TOX2: variants seen among roughly 807,000 people sequenced by gnomAD.
TOX2 encodes granulosa cell HMG box 1.
TOX2 carries 15 observed loss-of-function variants against 47.4 expected under a neutral mutation model. That is an observed-to-expected ratio of 0.32 (90% CI 0.21 to 0.49). TOX2 has a LOEUF of 0.49. TOX2 is among the 20% of genes least tolerant of loss of function. TOX2 has a pLI of 0.99. For missense variants in TOX2, 622 were observed against 673.1 expected (o/e 0.92, Z 0.84); for synonymous variants, 290 against 296.6 (o/e 0.98, Z 0.23).
rs146213688 is a variant in TOX2, at chr20:44,014,388, A to G, written c.411+7596A>G. Among the ~76,000 whole-genome samples the G allele has an allele frequency of 3.3e-5, 5 of 152,278 alleles. No homozygotes were observed. In the East Asian group the frequency reaches 7.7e-4, roughly 24 times the overall value. ...GAGAGAAATGGTAGAGTCGCATCAT[A>G]TGAGGGTGTGCACGCAGAGAGGCAA... On this transcript the variant is annotated intron_variant, in intron 3 of 8. Coordinates refer to ENST00000341197, the MANE Select transcript of TOX2 (RefSeq NM_001098797.2).
chr20:44,035,494 G>A (rs1054050762), intron 3 of TOX2, among the ~76,000 whole-genome samples: 12 of 152,040 alleles, frequency 7.9e-5, no homozygotes, highest in African/African-American at 2.7e-4. Flanking sequence ...TGGGAAGGTC[G>A]CTGCACATGT....
At position 44,019,751 on chromosome 20, in the gene TOX2, C is replaced by T. The variant is rs902745412; in HGVS notation, c.411+12959C>T. ...TCATCCCGGAAACTGATAACAAGACCGCGAGTCAGGAAGCCTGGGTTTAAC... is the reference window on the plus strand; with the variant it reads ...TCATCCCGGAAACTGATAACAAGACTGCGAGTCAGGAAGCCTGGGTTTAAC... On this transcript the variant is annotated intron_variant, in intron 3 of 8. Coordinates refer to ENST00000341197, the MANE Select transcript of TOX2 (RefSeq NM_001098797.2). 2.6e-5 allele frequency among the ~76,000 whole-genome samples: 4 copies of T among 152,152 alleles called. 1 individual carries two copies. Among genetic ancestry groups the T allele is most frequent in the Middle Eastern group, 6.3e-3 (2 of 316 alleles).
At chr20:43,953,534 C>T (rs2069616995) in intron 1 of TOX2, among the ~76,000 whole-genome samples, 1 of 152,136 alleles carries the variant, frequency 6.6e-6, no homozygotes, top group Non-Finnish European at 1.5e-5. Context: ...TGGGCTGATC[C>T]GGGTTGGTGT....
At chr20:43,991,145 C>T (rs2070360714) in intron 2 of TOX2, among the ~76,000 whole-genome samples, 1 of 152,136 alleles carries the variant, frequency 6.6e-6, no homozygotes, top group Non-Finnish European at 1.5e-5. Flanking sequence ...AGTGATTTGT[C>T]CAAGGTCACA....
chr20:44,023,505 G>A (rs2071011354), intron 3 of TOX2, among the ~76,000 whole-genome samples: 1 of 151,876 alleles, frequency 6.6e-6, no homozygotes, highest in African/African-American at 2.4e-5. Context: ...GGACTGGACA[G>A]GAAGCATCTT....
intron 3 of TOX2, among the ~76,000 whole-genome samples, chr20:44,034,139 C>T (rs113964675): frequency 3.9e-5 from 6 of 152,180 alleles, no homozygotes; most frequent in East Asian, 1.9e-4. Flanking sequence ...CAGAGCTCAT[C>T]GCACTGGCCC....
At chr20:44,013,837 G>A (rs1168636567) in intron 3 of TOX2, among the ~76,000 whole-genome samples, 1 of 152,096 alleles carries the variant, frequency 6.6e-6, no homozygotes, top group African/African-American at 2.4e-5. Flanking sequence ...GTGATGAGAG[G>A]TGTATGTCTC....
chr20:43,967,670 C>A (rs1042304821), intron 1 of TOX2, among the ~76,000 whole-genome samples: 1 of 152,140 alleles, frequency 6.6e-6, no homozygotes, highest in African/African-American at 2.4e-5. Flanking sequence ...CCCAACCACC[C>A]ATCTATTTGT....
At chr20:43,994,459 C>CCCAAAA (rs2070430835) in intron 2 of TOX2, among the ~76,000 whole-genome samples, 1 of 128,000 alleles carries the variant, frequency 7.8e-6, no homozygotes. Flanking sequence ...ACCCTGTCTC[C>CCCAAAA]AAAAAAAAAA....
At chr20:43,988,375 T>C (rs2070310221) in intron 2 of TOX2, among the ~76,000 whole-genome samples, 1 of 152,190 alleles carries the variant, frequency 6.6e-6, no homozygotes, top group Non-Finnish European at 1.5e-5. Context: ...TACAGACACA[T>C]TCATGCACAA....
chr20:43,935,927 CAAAAA>C (rs58300627), intron 1 of TOX2, among the ~76,000 whole-genome samples: 89 of 72,036 alleles, frequency 1.2e-3, no homozygotes, highest in African/African-American at 4.1e-3. Flanking sequence ...AACTCCATCC[CAAAAA>C]AAAAAAAAAA....
At chr20:44,065,673 T>C in intron 6 of TOX2, 39 bp from the exon 7 acceptor site, 1 of 1,541,998 alleles carries the variant, frequency 6.5e-7, no homozygotes, top group Non-Finnish European at 8.8e-7. Flanking sequence ...GGCTCATCCC[T>C]CTTCTGTTCT....
At chr20:43,971,042 C>A (rs374717262) in intron 1 of TOX2, among the ~76,000 whole-genome samples, 1 of 152,182 alleles carries the variant, frequency 6.6e-6, no homozygotes, top group South Asian at 2.1e-4. Flanking sequence ...GGACTCTCCC[C>A]GTCCCTGTGC....
chr20:44,050,936 T>C (rs1217618865), intron 3 of TOX2, among the ~76,000 whole-genome samples: 2 of 152,196 alleles, frequency 1.3e-5, no homozygotes, highest in Non-Finnish European at 1.5e-5. Flanking sequence ...TGCGTTGCTA[T>C]CATGCTGACT....
At chr20:43,926,276 C>T (rs2069166689) in intron 1 of TOX2, among the ~76,000 whole-genome samples, 1 of 152,128 alleles carries the variant, frequency 6.6e-6, no homozygotes, top group African/African-American at 2.4e-5. Flanking sequence ...CACCCCCACT[C>T]CCATGCTTTC....
At chr20:43,975,285 G>A (rs943932425) in intron 2 of TOX2, among the ~76,000 whole-genome samples, 1 of 151,984 alleles carries the variant, frequency 6.6e-6, no homozygotes, top group African/African-American at 2.4e-5. Context: ...GTTTGGAGAG[G>A]AGACTTGGTA....
At chr20:43,996,445 C>T (rs1393029918) in intron 2 of TOX2, among the ~76,000 whole-genome samples, 1 of 152,138 alleles carries the variant, frequency 6.6e-6, no homozygotes, top group African/African-American at 2.4e-5. Flanking sequence ...AGCCAGGACT[C>T]GTGTGTGTTG....
chr20:44,026,828 T>C (rs1302443537), intron 3 of TOX2, among the ~76,000 whole-genome samples: 3 of 152,128 alleles, frequency 2.0e-5, no homozygotes, highest in Admixed American at 6.5e-5. Flanking sequence ...GCCTCCTTCC[T>C]TCTTCTGTGG....
chr20:44,004,490 C>G (rs1470557146), intron 2 of TOX2, among the ~76,000 whole-genome samples: 1 of 152,176 alleles, frequency 6.6e-6, no homozygotes, highest in African/African-American at 2.4e-5. Context: ...GAGATCATCC[C>G]ACTGCAGCCC....
Sources: allele counts gnomAD v4.1 joint callset (sites outside exome capture counted in the v4.1 genomes callset), GRCh38; gene constraint gnomAD v4.1.1; transcripts MANE v1.5; gene names NCBI Gene and HGNC (gene_info 2026-07-23, HGNC 2026-07-21).